Variants in DNAJC11 observed in about 807,000 individuals in gnomAD.
DNAJC11 encodes the protein DnaJ heat shock protein family (Hsp40) member C11.
In DNAJC11, 15 loss-of-function variants were observed where a neutral mutation model predicts 78.6. That is an observed-to-expected ratio of 0.19 (90% CI 0.13 to 0.29). The LOEUF (loss-of-function observed/expected upper bound fraction) is 0.29. DNAJC11 is among the 10% of genes least tolerant of loss of function. The probability of loss-of-function intolerance (pLI) is 1.00; values close to 1 mark genes in which losing one functional copy is unlikely to be tolerated. For synonymous variants in DNAJC11, 292 were observed against 272.1 expected (o/e 1.07, Z -0.72); for missense variants, 547 against 709.6 (o/e 0.77, Z 2.60).
intron 4 of DNAJC11, among the ~76,000 whole-genome samples, chr1:6,655,528 A>G (rs1393150713): frequency 6.6e-6 from 1 of 152,222 alleles, no homozygotes; most frequent in East Asian, 1.9e-4. Context: ...ATGGCAGTAT[A>G]TGAACAATCT....
intron 1 of DNAJC11, among the ~76,000 whole-genome samples, chr1:6,697,640 T>G (rs914069157): frequency 3.9e-5 from 6 of 152,100 alleles, no homozygotes; most frequent in African/African-American, 1.2e-4. Context: ...GCCCAATTCC[T>G]AACAAGCCAC....
In DNAJC11 at chr1:6,645,647, C is replaced by G. The variant is rs1365937792; in HGVS notation, c.894+142G>C. The G allele has an allele frequency of 1.0e-6, 1 of 953,702 alleles. No homozygotes were observed. 59.1% of individuals were successfully genotyped at this position (953,702 alleles called of 1,614,324 possible). On this transcript the variant is annotated intron_variant, in intron 8 of 15. Transcript: ENST00000377577. The surrounding 1 kb of genome is among the most constrained non-coding windows in gnomAD (Gnocchi z 4.1). ...CCACCAGGTCACTCGAGTGTGAGCA[C>G]CGAGAGCCTGCCCCTCAGGGCCCTG...
rs748328642 is a variant in DNAJC11, at chr1:6,645,588, G to A, written c.894+201C>T. 5.9e-5 allele frequency among the ~76,000 whole-genome samples: 9 copies of A among 152,196 alleles called. No homozygotes were observed. The highest frequency in any genetic ancestry group is 2.1e-4 in the South Asian group (1 of 4,834). ...ATGATCCAACAAAGCTGCCCCAGGCGCCTGAAGGCAACTGCATTTCATACT... is the reference window on the plus strand; with the variant it reads ...ATGATCCAACAAAGCTGCCCCAGGCACCTGAAGGCAACTGCATTTCATACT... On this transcript the variant is annotated intron_variant, in intron 8 of 15. Coordinates refer to ENST00000377577, the MANE Select transcript of DNAJC11 (RefSeq NM_018198.4). The surrounding 1 kb of genome is among the most constrained non-coding windows in gnomAD (Gnocchi z 4.1).
intron 1 of DNAJC11, among the ~76,000 whole-genome samples, chr1:6,693,150 T>C (rs1642775004): frequency 6.6e-6 from 1 of 152,000 alleles, no homozygotes; most frequent in Middle Eastern, 3.4e-3. Flanking sequence ...TGACCTCAGG[T>C]GATCTGCCCG....
Position 6,676,759 on chromosome 1 carries a change from G to A in DNAJC11, c.276+1635C>T, listed in dbSNP as rs143451959. On this transcript the variant is annotated intron_variant, in intron 3 of 15. Transcript: ENST00000377577. Reference sequence around the variant, plus strand: ...GAGCCACCAATATGAAGCAGTAGTGGAAAGGCAGGAAAGGAAATAGGATCC... The same window carrying A: ...GAGCCACCAATATGAAGCAGTAGTGAAAAGGCAGGAAAGGAAATAGGATCC... Among the ~76,000 whole-genome samples the A allele has an allele frequency of 7.3e-3, 1,116 of 152,262 alleles. 20 individuals carry two copies. Among genetic ancestry groups the A allele is most frequent in the Admixed American group, 0.037 (563 of 15,270 alleles).
In DNAJC11 at chr1:6,637,224, T is replaced by G. The variant is rs749177137; in HGVS notation, c.1498A>C (p.Lys500Gln). ...TTGGAGGCCTCCGTGAGGATGAGCT[T>G]CGAGTCCTTCACCAGGCACTGCAGG... is the stretch of plus-strand genomic sequence containing the variant. ...VPLQCLVKDSKLILTEASKAG... is the reference protein window; with the variant it reads ...VPLQCLVKDSQLILTEASKAG... Residue 500 changes from lysine to glutamine, a missense_variant, in exon 14 of 16, where the codon AAG (lysine) becomes CAG (glutamine). Coordinates refer to ENST00000377577, the MANE Select transcript of DNAJC11 (RefSeq NM_018198.4). 1 of 1,614,210 alleles carries G rather than the reference T, an allele frequency of 6.2e-7. No individual in the cohort carries two copies. Among genetic ancestry groups the G allele is most frequent in the South Asian group, 1.1e-5 (1 of 91,086 alleles).
Position 6,678,378 on chromosome 1 carries a change from GCA to G in DNAJC11, c.276+14_276+15del, listed in dbSNP as rs763985705. 23 of 1,610,002 alleles carry G rather than the reference GCA, an allele frequency of 1.4e-5. No homozygotes were observed. The African/African-American group carries it at 1.5e-4, about 10-fold the overall frequency. On this transcript the variant is annotated intron_variant, in intron 3 of 15. Transcript: ENST00000377577. ...TAATGACTTTTCTGGAACACCAGAC[GCA>G]CAGTTTCTCTTACCTCCCATCCTTC...
intron 4 of DNAJC11, among the ~76,000 whole-genome samples, chr1:6,657,684 G>A (rs570892237): frequency 3.3e-5 from 5 of 152,290 alleles, no homozygotes; most frequent in South Asian, 2.1e-4. Context: ...TTGCTCTGTC[G>A]CCTGGGCTGG....
intron 4 of DNAJC11, among the ~76,000 whole-genome samples, chr1:6,656,400 A>C (rs919976644): frequency 2.0e-5 from 3 of 152,294 alleles, no homozygotes; most frequent in African/African-American, 7.2e-5. Context: ...CATTCAAAAG[A>C]TCATAAATAA....
In DNAJC11 at chr1:6,638,292, C is replaced by T. The variant is rs1388836281; in HGVS notation, c.1323+3G>A. 6.2e-7 allele frequency: 1 copy of T among 1,612,550 alleles called. No homozygotes were observed. On this transcript the variant is annotated splice_donor_region_variant and intron_variant, in intron 12 of 15. Coordinates refer to ENST00000377577, the MANE Select transcript of DNAJC11 (RefSeq NM_018198.4). ...CGCTTGGGAACGGTGGGGCAGCACTCACAGCGGACTCCGCCTCTTGCTTCT... is the reference window on the plus strand; with the variant it reads ...CGCTTGGGAACGGTGGGGCAGCACTTACAGCGGACTCCGCCTCTTGCTTCT...
intron 1 of DNAJC11, among the ~76,000 whole-genome samples, chr1:6,700,730 G>A (rs1372875390): frequency 3.3e-5 from 5 of 152,162 alleles, no homozygotes; most frequent in African/African-American, 1.2e-4. Flanking sequence ...ACATCACATA[G>A]ACTAATATTT....
At chr1:6,681,174 C>T (rs181535520) in intron 1 of DNAJC11, 137 bp from the exon 2 acceptor site, 2 of 851,102 alleles carry the variant, frequency 2.3e-6, no homozygotes, top group African/African-American at 1.7e-5. Flanking sequence ...TAATGAAGTT[C>T]GGTTTATCAC....
At chr1:6,642,951 G>A (rs1331159819) in intron 10 of DNAJC11, among the ~76,000 whole-genome samples, 1 of 152,190 alleles carries the variant, frequency 6.6e-6, no homozygotes, top group African/African-American at 2.4e-5. Flanking sequence ...GGAGTGAGTC[G>A]AGAGAGAAGG....
At chr1:6,636,555 T>A (rs564553917) in intron 14 of DNAJC11, among the ~76,000 whole-genome samples, 1 of 152,214 alleles carries the variant, frequency 6.6e-6, no homozygotes, top group East Asian at 1.9e-4. Flanking sequence ...GAGGCAAGAC[T>A]CACACATGTT....
Position 6,645,873 on chromosome 1 carries a change from C to T in DNAJC11, c.810G>A (p.Leu270=). 6.2e-7 allele frequency: 1 copy of T among 1,614,190 alleles called. No individual in the cohort carries two copies. Among genetic ancestry groups the T allele is most frequent in the Non-Finnish European group, 8.5e-7 (1 of 1,180,032 alleles). Residue 270 remains leucine, a synonymous_variant, in exon 8 of 16, where the codon CTG becomes CTA. Transcript: ENST00000377577. The surrounding 1 kb of genome is among the most constrained non-coding windows in gnomAD (Gnocchi z 4.1). ...CTGACTGGATACCCCATCGCCACTG[C>T]AGGTAGCCCACGGTGTTCTTGTCTA... ...RNLDKNTVGY[L]QWRWGIQSAM... is the part of the protein sequence containing the mutation.
At chr1:6,697,402 C>T (rs1642854492) in intron 1 of DNAJC11, among the ~76,000 whole-genome samples, 1 of 152,146 alleles carries the variant, frequency 6.6e-6, no homozygotes, top group African/African-American at 2.4e-5. Context: ...TGGAATGAAA[C>T]TGTTCCACCT....
Position 6,640,071 on chromosome 1 carries a change from CAAAA to C in DNAJC11, c.1098-18_1098-15del, listed in dbSNP as rs56145914. On this transcript the variant is annotated splice_polypyrimidine_tract_variant and intron_variant, in intron 10 of 15. Coordinates refer to ENST00000377577, the MANE Select transcript of DNAJC11 (RefSeq NM_018198.4). ...GCCCTGTTGAGCCTGGGGAAAAATACAAAAAAAAAAAAAAAAAAGCCAAGATGAA... is the reference window on the plus strand; with the variant it reads ...GCCCTGTTGAGCCTGGGGAAAAATACAAAAAAAAAAAAAAGCCAAGATGAA... 1.8e-4 allele frequency: 216 copies of C among 1,217,382 alleles called. No individual in the cohort carries two copies. The highest frequency in any genetic ancestry group is 4.9e-4 in the Admixed American group (11 of 22,590). 75.4% of individuals were successfully genotyped at this position (1,217,382 alleles called of 1,614,324 possible).
chr1:6,643,905 C>G (rs925068780), intron 10 of DNAJC11, among the ~76,000 whole-genome samples: 4 of 152,096 alleles, frequency 2.6e-5, no homozygotes, highest in African/African-American at 9.7e-5. Context: ...GAGTCTCACT[C>G]TGTCACCCGG....
rs1430166302 is a variant in DNAJC11 at position 6,645,796 on chromosome 1, G to T, written c.887C>A (p.Ala296Asp). 1 of 1,613,760 alleles carries T rather than the reference G, an allele frequency of 6.2e-7. No individual in the cohort carries two copies. The highest frequency in any genetic ancestry group is 8.5e-7 in the Non-Finnish European group (1 of 1,179,762). Reference protein sequence around the residue: ...RDTKTSHFTVALQLGIPHSFA... With the variant: ...RDTKTSHFTVDLQLGIPHSFA... ...GATGGCTGCTCGGCTCACCTGCAGG[G>T]CCACAGTGAAGTGGCTGGTTTTAGT... Residue 296 changes from alanine to aspartate, a missense_variant, in exon 8 of 16, where the codon GCC becomes GAC. Physicochemically the swap from Ala to Asp is moderately radical, Grantham distance 126 (BLOSUM62 -2). Transcript: ENST00000377577. The surrounding 1 kb of genome is among the most constrained non-coding windows in gnomAD (Gnocchi z 4.1).
Sources: gnomAD v4.1 joint callset for allele counts (sites outside exome capture counted in the v4.1 genomes callset) on GRCh38, gnomAD v4.1.1 for gene constraint, Gnocchi (gnomAD v3.1) non-coding constraint, MANE v1.5 for transcripts, NCBI Gene and HGNC (gene_info 2026-07-23, HGNC 2026-07-21) for gene names.